Variants in TECTA observed in about 807,000 individuals in gnomAD.
TECTA encodes the protein tectorin alpha, also known as alpha-tectorin.
TECTA carries 128 observed loss-of-function variants against 216.8 expected under a neutral mutation model. That is an observed-to-expected ratio of 0.59 (90% CI 0.51 to 0.68). The LOEUF is 0.68. Among genes scored for constraint, TECTA ranks in the 30% least tolerant of loss-of-function variants. The probability of loss-of-function intolerance (pLI) is 0.00; values close to 1 mark genes in which losing one functional copy is unlikely to be tolerated. For synonymous variants in TECTA, 1,089 were observed against 1,117.1 expected (o/e 0.97, Z 0.50); for missense variants, 2,551 against 2,786.2 (o/e 0.92, Z 1.90).
At chr11:121,185,138 C>T (rs1330153361) in intron 20 of TECTA, among the ~76,000 whole-genome samples, 1 of 152,232 alleles carries the variant, frequency 6.6e-6, no homozygotes, top group African/African-American at 2.4e-5. Context: ...CAGTGTCTGT[C>T]TGAATAAACG....
chr11:121,159,525 G>A (rs1403829965), intron 14 of TECTA, among the ~76,000 whole-genome samples: 1 of 152,216 alleles, frequency 6.6e-6, no homozygotes, highest in East Asian at 1.9e-4. Flanking sequence ...GTTATATTCT[G>A]TCCCAAGGGC....
In TECTA at chr11:121,190,911, C is replaced by T; in HGVS notation, c.*105C>T. 1 of 895,786 alleles carries T rather than the reference C, an allele frequency of 1.1e-6. No homozygotes were observed. The highest frequency in any genetic ancestry group is 1.7e-6 in the Non-Finnish European group (1 of 571,442). The allele number at this position is 895,786 out of a possible 1,614,324, so 55.5% of individuals were successfully genotyped here. On this transcript the variant is annotated 3_prime_UTR_variant, in exon 24 of 24. Coordinates refer to ENST00000392793, the MANE Select transcript of TECTA (RefSeq NM_005422.4). The stretch of plus-strand genomic sequence containing the variant: ...TCAAAACCTATTTGAAAGTGTCCAG[C>T]ATCTCAAAATGATGCCACCTGCCTC...
Position 121,128,302 on chromosome 11 carries a change from C to T in TECTA, c.2325C>T (p.Asp775=). The change falls in exon 9 of 24, where the codon GAC becomes GAT. Residue 775 remains aspartate, a synonymous_variant. Coordinates refer to ENST00000392793, the MANE Select transcript of TECTA (RefSeq NM_005422.4). ...GGGGACTTCGGATCCTGGTGGCCGA[C>T]CAGGAGGTCAAGATAGGAGGCATCG... ...WLRGLRILVA[D]QEVKIGGIGA... is the part of the protein sequence containing the mutation. 6.3e-7 allele frequency: 1 copy of T among 1,599,694 alleles called. No individual in the cohort carries two copies. Among genetic ancestry groups the T allele is most frequent in the Non-Finnish European group, 8.5e-7 (1 of 1,179,952 alleles).
At position 121,152,919 on chromosome 11, in the gene TECTA, G is replaced by T. The variant is rs199637730; in HGVS notation, c.4144G>T (p.Val1382Leu). The change falls in exon 13 of 24, where the codon GTG (valine) becomes TTG (leucine). Residue 1382 changes from valine (V) to leucine (L), a missense_variant. By Grantham distance (32) the Val-to-Leu change is conservative. Coordinates refer to ENST00000392793, the MANE Select transcript of TECTA (RefSeq NM_005422.4). ...TCCAAACAGCCATTACGAGAGCTGCGTGAGTGTCTGCCAGCCCCGCTGCGC... is the reference window on the plus strand; with the variant it reads ...TCCAAACAGCCATTACGAGAGCTGCTTGAGTGTCTGCCAGCCCCGCTGCGC... ...CPPNSHYESCVSVCQPRCAAI... is the reference protein window; with the variant it reads ...CPPNSHYESCLSVCQPRCAAI... 3.7e-6 allele frequency: 6 copies of T among 1,610,682 alleles called. No individual in the cohort carries two copies. The highest frequency in any genetic ancestry group is 1.7e-5 in the Admixed American group (1 of 59,964).
Position 121,162,307 on chromosome 11 carries a change from T to C in TECTA, c.5209T>C (p.Tyr1737His), listed in dbSNP as rs752025324. The C allele has an allele frequency of 7.4e-6, 12 of 1,613,164 alleles. No homozygotes were observed. The South Asian group carries it at 1.3e-4, about 18-fold the overall frequency. The change falls in exon 16 of 24, where the codon TAC becomes CAC. Residue 1737 changes from tyrosine (Y) to histidine (H), a missense_variant. Tyr to His is a moderately conservative substitution (Grantham distance 83, BLOSUM62 2). This residue lies in a region of TECTA where 2,375 missense variants were observed against 2,563.9 expected (regional missense o/e 0.93). Transcript: ENST00000392793. The stretch of plus-strand genomic sequence containing the variant: ...CCAGCTGTGCGGCTCCCTGGCCGCC[T>C]ACGGGGAGGCCTGCCGCTCCTTCGG... ...KFQLCGSLAAYGEACRSFGIL... is the reference protein window; with the variant it reads ...KFQLCGSLAAHGEACRSFGIL...
At chr11:121,156,038 A>G (rs890922277) in intron 13 of TECTA, among the ~76,000 whole-genome samples, 2 of 152,212 alleles carry the variant, frequency 1.3e-5, no homozygotes, top group African/African-American at 4.8e-5. Flanking sequence ...CACCATCTGA[A>G]AGAGGATGAG....
chr11:121,118,262 G>A, intron 6 of TECTA, 44 bp from the exon 7 acceptor site: 1 of 1,610,912 alleles, frequency 6.2e-7, no homozygotes, highest in Non-Finnish European at 8.5e-7. Flanking sequence ...GGCACAGAGG[G>A]GAAATGCTCA....
intron 7 of TECTA, among the ~76,000 whole-genome samples, chr11:121,123,397 T>C (rs1359871121): frequency 6.6e-6 from 1 of 152,194 alleles, no homozygotes; most frequent in African/African-American, 2.4e-5. Flanking sequence ...CGTCCAGCTG[T>C]GTGTGTTCTA....
chr11:121,143,497 G>A (rs1469042414), intron 11 of TECTA, among the ~76,000 whole-genome samples: 2 of 152,168 alleles, frequency 1.3e-5, no homozygotes, highest in Non-Finnish European at 2.9e-5. Flanking sequence ...TGAGGCTGGT[G>A]CCTGTGCATC....
chr11:121,118,159 T>G, intron 6 of TECTA, 147 bp from the exon 7 acceptor site: 1 of 1,023,122 alleles, frequency 9.8e-7, no homozygotes, highest in Admixed American at 2.1e-5. Context: ...CTCAGTTTCC[T>G]CATTTGTCAA....
chr11:121,113,518 G>T lies in TECTA; in HGVS notation c.625-35G>T. The stretch of plus-strand genomic sequence containing the variant: ...GCCAGTTAACCCATGGGGAATTTTT[G>T]TACTCAAAAATCTTGTCTTCCTTTT... On this transcript the variant is annotated intron_variant, in intron 5 of 23. Transcript: ENST00000392793. This position sits in a 1 kb window ranked among gnomAD's most constrained non-coding sequence, Gnocchi z 4.2. 5 of 1,613,924 alleles carry T rather than the reference G, an allele frequency of 3.1e-6. No individual in the cohort carries two copies. The South Asian group carries it at 5.5e-5, about 18-fold the overall frequency.
intron 20 of TECTA, among the ~76,000 whole-genome samples, chr11:121,181,171 A>C (rs1591470202): frequency 6.6e-6 from 1 of 152,336 alleles, no homozygotes; most frequent in East Asian, 1.9e-4. Flanking sequence ...CTCAAAAAAA[A>C]TAATTCTTTA....
At chr11:121,177,590 AGGGT>A (rs1445818573) in intron 20 of TECTA, among the ~76,000 whole-genome samples, 17 of 151,884 alleles carry the variant, frequency 1.1e-4, no homozygotes, top group Admixed American at 1.3e-4. Flanking sequence ...CCCCTACTGG[AGGGT>A]GCCTCCCAGT....
rs537543960 is a variant in TECTA, at chr11:121,145,881, G to A, written c.3870G>A (p.Lys1290=). The change falls in exon 12 of 24, where the codon AAG becomes AAA. Residue 1290 remains lysine, a synonymous_variant. Coordinates refer to ENST00000392793, the MANE Select transcript of TECTA (RefSeq NM_005422.4). ...GGGACCGCTGTCCGTCCTGTGCCAA[G>A]GTGGAAGGTTTCTCCAAAGTGCAGC... The part of the protein sequence containing the change: ...GCGDRCPSCA[K]VEGFSKVQQL... 1 of 1,614,254 alleles carries A rather than the reference G, an allele frequency of 6.2e-7. No homozygotes were observed. The highest frequency in any genetic ancestry group is 2.2e-5 in the East Asian group (1 of 44,888).
rs183932311 is a variant in TECTA at position 121,105,365 on chromosome 11, T to C, written c.65-466T>C. On this transcript the variant is annotated intron_variant, in intron 2 of 23. Transcript: ENST00000392793. The surrounding 1 kb of genome is among the most constrained non-coding windows in gnomAD (Gnocchi z 5.3). ...GTTCCCACTGTTGTTTATTTCCTTC[T>C]GGGATCTGGGATTTTCTCCAATTGT... Among the ~76,000 whole-genome samples the C allele has an allele frequency of 6.1e-3, 934 of 152,342 alleles. 7 individuals carry two copies. Among genetic ancestry groups the C allele is most frequent in the South Asian group, 0.031 (150 of 4,828 alleles).
At chr11:121,153,117 A>G in intron 13 of TECTA, 37 bp downstream of exon 13, 2 of 1,593,082 alleles carry the variant, frequency 1.3e-6, no homozygotes, top group East Asian at 2.3e-5. Flanking sequence ...CTCCTTGCCA[A>G]TGATCAGATT....
At chr11:121,165,436 C>A in intron 17 of TECTA, 53 bp downstream of exon 17, 1 of 1,456,334 alleles carries the variant, frequency 6.9e-7, no homozygotes, top group Non-Finnish European at 9.4e-7. Context: ...GGAGATGCTG[C>A]TCTGGGGAAC....
intron 8 of TECTA, among the ~76,000 whole-genome samples, chr11:121,126,910 AT>A (rs1946618162): frequency 6.6e-6 from 1 of 152,206 alleles, no homozygotes; most frequent in Non-Finnish European, 1.5e-5. Context: ...CCTGACTAAA[AT>A]GTTACAATGG....
chr11:121,145,460 T>C (rs1946825202), intron 11 of TECTA, 95 bp from the exon 12 acceptor site: 1 of 1,353,034 alleles, frequency 7.4e-7, no homozygotes, highest in South Asian at 1.2e-5. Context: ...CAAACTTCCC[T>C]CTGGGACTTG....
Sources: gnomAD v4.1 joint callset for allele counts (sites outside exome capture counted in the v4.1 genomes callset) on GRCh38, gnomAD v4.1.1 for gene constraint, gnomAD v4.1.1 regional missense constraint, Gnocchi (gnomAD v3.1) non-coding constraint, MANE v1.5 for transcripts, NCBI Gene and HGNC (gene_info 2026-07-23, HGNC 2026-07-21) for gene names.